Variants in IQSEC3 observed in about 807,000 individuals in gnomAD.
The protein encoded by IQSEC3 is IQ motif and Sec7 domain ArfGEF 3, also known as IQ motif and SEC7 domain-containing protein 3.
In IQSEC3, 50 loss-of-function variants were observed where a neutral mutation model predicts 105.4. The observed-to-expected ratio is 0.47, with a 90% CI of 0.38 to 0.60. The LOEUF (loss-of-function observed/expected upper bound fraction) is 0.60. Ranked by LOEUF, IQSEC3 falls within the 20% of genes least tolerant of loss-of-function variation. IQSEC3 has a pLI of 0.00. For synonymous variants in IQSEC3, 708 were observed against 746.0 expected (o/e 0.95, Z 0.83); for missense variants, 1,415 against 1,630.0 (o/e 0.87, Z 2.27).
Position 165,811 on chromosome 12 carries a change from G to C in IQSEC3, c.2892G>C (p.Ser964=). 6.2e-7 allele frequency: 1 copy of C among 1,614,066 alleles called. No individual in the cohort carries two copies. The highest frequency in any genetic ancestry group is 1.1e-5 in the South Asian group (1 of 91,080). ...TGCTGCATTTCTGTGCCCTGGGCTC[G>C]GACGAGATGCAGAAGTTCGTGGAGG... ...KQVLHFCALG[S]DEMQKFVEDL... Residue 964 remains serine (S), a synonymous_variant, in exon 11 of 14, where the codon TCG becomes TCC. Coordinates refer to ENST00000538872, the MANE Select transcript of IQSEC3 (RefSeq NM_001170738.2).
At chr12:125,976 A>G (rs11609616) in intron 3 of IQSEC3, 64 bp downstream of exon 3, 270,500 of 1,466,954 alleles carry the variant, frequency 0.18, 27,691 homozygotes, top group Non-Finnish European at 0.21. Flanking sequence ...GGGGCTGTCG[A>G]GGGTACCAGG....
At chr12:148,138 C>T (rs1396957871) in intron 5 of IQSEC3, 1 of 152,200 alleles carries the variant, frequency 6.6e-6, no homozygotes. Flanking sequence ...GGCTCCATGA[C>T]TTGAAGTAAC....
rs781909957 is a variant in IQSEC3 at position 138,413 on chromosome 12, G to A, written c.1050G>A (p.Arg350=). The A allele has an allele frequency of 9.3e-6, 15 of 1,609,294 alleles. No individual in the cohort carries two copies. Among genetic ancestry groups the A allele is most frequent in the Non-Finnish European group, 1.2e-5 (14 of 1,179,838 alleles). ...TTCTGGAGAGCCGCCTGCCACGGCG[G>A]ATCTCCCTGCGCAAGGTGCGGTCAC... ...NSLLESRLPR[R]ISLRKVRSPT... is the part of the protein sequence containing the mutation. The change falls in exon 4 of 14, where the codon CGG becomes CGA. Residue 350 remains arginine (R), a synonymous_variant. Coordinates refer to ENST00000538872, the MANE Select transcript of IQSEC3 (RefSeq NM_001170738.2). This position sits in a 1 kb window ranked among gnomAD's most constrained non-coding sequence, Gnocchi z 7.1.
chr12:154,092 T>C (rs1162173658), intron 5 of IQSEC3, among the ~76,000 whole-genome samples: 2 of 152,152 alleles, frequency 1.3e-5, no homozygotes, highest in African/African-American at 4.8e-5. Context: ...CCCTCCCCGC[T>C]TCGAGGCCCA....
chr12:175,251 ACT>A lies in IQSEC3; in HGVS notation c.*222_*223del. The stretch of plus-strand genomic sequence containing the variant: ...CTCTGCAGATCTGAAGACACACCTC[ACT>A]CTCCCAGGGCCCTACACAGCCAGAC... On this transcript the variant is annotated 3_prime_UTR_variant, in exon 14 of 14. Coordinates refer to ENST00000538872, the MANE Select transcript of IQSEC3 (RefSeq NM_001170738.2). The A allele has an allele frequency of 2.0e-6, 1 of 489,848 alleles. No individual in the cohort carries two copies. The highest frequency in any genetic ancestry group is 3.6e-6 in the Non-Finnish European group (1 of 278,996). The allele number at this position is 489,848 out of a possible 1,614,324, so 30.3% of individuals were successfully genotyped here. A position where few individuals can be genotyped will look rare whatever the true frequency, so the allele number is the denominator to read the frequency against.
chr12:81,407 G>A (rs1555070691), intron 1 of IQSEC3, among the ~76,000 whole-genome samples: 1 of 152,234 alleles, frequency 6.6e-6, no homozygotes, highest in East Asian at 1.9e-4. Context: ...GAAGCAGGGA[G>A]TTCAGGTAGA....
Position 150,648 on chromosome 12 carries a change from C to T in IQSEC3, c.2154-6377C>T, listed in dbSNP as rs535358084. Among the ~76,000 whole-genome samples the T allele has an allele frequency of 5.3e-5, 8 of 152,256 alleles. No homozygotes were observed. In the South Asian group the frequency reaches 8.3e-4, roughly 16 times the overall value. On this transcript the variant is annotated intron_variant, in intron 5 of 13. Coordinates refer to ENST00000538872, the MANE Select transcript of IQSEC3 (RefSeq NM_001170738.2). Reference sequence around the variant, plus strand: ...GGCTGGGATGAGGACAGAGATAGGCCGTTGGATTTGGCCACATAGCAACCA... The same window carrying T: ...GGCTGGGATGAGGACAGAGATAGGCTGTTGGATTTGGCCACATAGCAACCA...
chr12:128,365 G>T (rs561335114), intron 3 of IQSEC3, among the ~76,000 whole-genome samples: 2 of 152,284 alleles, frequency 1.3e-5, no homozygotes, highest in Admixed American at 1.3e-4. Flanking sequence ...GACGGGAAAT[G>T]ATCACTTAGT....
At chr12:153,306 A>AT (rs1306373351) in intron 5 of IQSEC3, among the ~76,000 whole-genome samples, 14 of 152,106 alleles carry the variant, frequency 9.2e-5, no homozygotes, top group African/African-American at 3.4e-4. Context: ...GTGATCAGTG[A>AT]TTCCCCCTAG....
chr12:83,167 C>T (rs1863803600), intron 1 of IQSEC3, among the ~76,000 whole-genome samples: 1 of 152,192 alleles, frequency 6.6e-6, no homozygotes, highest in African/African-American at 2.4e-5. Flanking sequence ...AGGAGGGCAG[C>T]TGAGCGTGGC....
intron 5 of IQSEC3, 56 bp downstream of exon 5, chr12:141,341 G>T: frequency 6.4e-7 from 1 of 1,562,878 alleles, no homozygotes; most frequent in Non-Finnish European, 8.8e-7. Context: ...CACCTGCCCG[G>T]GCTCTCTCTG....
At chr12:83,889 G>A (rs1391752928) in intron 1 of IQSEC3, among the ~76,000 whole-genome samples, 1 of 152,180 alleles carries the variant, frequency 6.6e-6, no homozygotes, top group African/African-American at 2.4e-5. Context: ...TCTGCTGTGT[G>A]CTCGACATTG....
In IQSEC3 at chr12:92,569, C is replaced by G. The variant is rs537968029; in HGVS notation, c.555-6577C>G. The stretch of plus-strand genomic sequence containing the variant: ...AGTGTGGTGATTGCACTCGGGCCTA[C>G]GGGGACCTCTCTCCTTTCTTTACTT... On this transcript the variant is annotated intron_variant, in intron 1 of 13. Transcript: ENST00000538872. 9.7e-4 allele frequency among the ~76,000 whole-genome samples: 148 copies of G among 152,314 alleles called. 1 individual carries two copies. The highest frequency in any genetic ancestry group is 3.4e-4 in the Non-Finnish European group (23 of 68,016).
At position 71,690 on chromosome 12, in the gene IQSEC3, C is replaced by T. The variant is rs150304594; in HGVS notation, c.554+4254C>T. Among the ~76,000 whole-genome samples the T allele has an allele frequency of 3.1e-3, 465 of 152,374 alleles. 2 individuals carry two copies. The highest frequency in any genetic ancestry group is 0.011 in the African/African-American group (442 of 41,562). On this transcript the variant is annotated intron_variant, in intron 1 of 13. Coordinates refer to ENST00000538872, the MANE Select transcript of IQSEC3 (RefSeq NM_001170738.2). ...CCCTCTGCTCATCCTAAGTCCCTAC[C>T]CATGAGGCCAAACCCTATCACTAGG...
At chr12:153,076 G>A (rs1866561152) in intron 5 of IQSEC3, among the ~76,000 whole-genome samples, 1 of 152,078 alleles carries the variant, frequency 6.6e-6, no homozygotes, top group South Asian at 2.1e-4. Context: ...CAGCAGGACA[G>A]AGAGTGAGAG....
intron 3 of IQSEC3, among the ~76,000 whole-genome samples, chr12:135,369 A>G (rs1230719042): frequency 6.6e-6 from 1 of 152,228 alleles, no homozygotes; most frequent in Non-Finnish European, 1.5e-5. Context: ...CCACAGGAGC[A>G]GGAACAGAAT....
At chr12:165,411 G>A in intron 9 of IQSEC3, 23 bp from the exon 10 acceptor site, 1 of 1,588,180 alleles carries the variant, frequency 6.3e-7, no homozygotes. Flanking sequence ...ATCAGGGCAT[G>A]CCTGTTTCCC....
intron 2 of IQSEC3, among the ~76,000 whole-genome samples, chr12:115,532 C>T (rs1245207486): frequency 6.6e-6 from 1 of 152,158 alleles, no homozygotes; most frequent in African/African-American, 2.4e-5. Flanking sequence ...GAGCAATTAG[C>T]TCATGAACCG....
At chr12:128,904 C>G (rs1298806367) in intron 3 of IQSEC3, among the ~76,000 whole-genome samples, 2 of 152,200 alleles carry the variant, frequency 1.3e-5, no homozygotes, top group African/African-American at 4.8e-5. Context: ...AGAGGCCTCT[C>G]CAGGCTCCCT....
Sources: gnomAD v4.1 joint callset for allele counts (sites outside exome capture counted in the v4.1 genomes callset) on GRCh38, gnomAD v4.1.1 for gene constraint, Gnocchi (gnomAD v3.1) non-coding constraint, MANE v1.5 for transcripts, NCBI Gene and HGNC (gene_info 2026-07-23, HGNC 2026-07-21) for gene names.